Variants in MACROD2 observed in about 807,000 individuals in gnomAD.
The protein encoded by MACROD2 is ADP-ribose glycohydrolase MACROD2.
MACROD2 carries 36 observed loss-of-function variants against 70.4 expected under a neutral mutation model. The ratio of observed to expected loss-of-function variants is 0.51; its 90% confidence interval spans 0.39 to 0.68. MACROD2 has a LOEUF of 0.68. Ranked by LOEUF, MACROD2 falls within the 30% of genes least tolerant of loss-of-function variation. The probability of loss-of-function intolerance (pLI) is 0.00; values close to 1 mark genes in which losing one functional copy is unlikely to be tolerated. For synonymous variants in MACROD2, 172 were observed against 178.8 expected (o/e 0.96, Z 0.30); for missense variants, 496 against 538.4 (o/e 0.92, Z 0.78).
rs116398968 is a variant in MACROD2 at position 15,734,891 on chromosome 20, T to C, written c.646-127854T>C. On this transcript the variant is annotated intron_variant, in intron 8 of 17. Transcript: ENST00000684519. ...ACTCAGTTCTGGGAAAATATACCAA[T>C]AACTATCTTGAATTGTAACAACAGT... Among the ~76,000 whole-genome samples, 372 of 152,318 alleles carry C rather than the reference T, an allele frequency of 2.4e-3. 1 individual carries two copies. Among genetic ancestry groups the C allele is most frequent in the African/African-American group, 8.1e-3 (335 of 41,562 alleles).
chr20:14,782,606 A>G (rs990627417), intron 5 of MACROD2, among the ~76,000 whole-genome samples: 17 of 152,050 alleles, frequency 1.1e-4, no homozygotes, highest in African/African-American at 4.1e-4. Context: ...CAGATATGAA[A>G]AGGCCAGCCC....
chr20:14,092,172 G>C (rs1479061066), intron 3 of MACROD2, among the ~76,000 whole-genome samples: 4 of 152,026 alleles, frequency 2.6e-5, no homozygotes, highest in Admixed American at 2.0e-4. Flanking sequence ...CATGTTTTTT[G>C]ATATTTATTT....
chr20:14,550,676 A>G (rs1978593915), intron 4 of MACROD2, among the ~76,000 whole-genome samples: 1 of 152,238 alleles, frequency 6.6e-6, no homozygotes, highest in Non-Finnish European at 1.5e-5. Flanking sequence ...TTGGAAAGAA[A>G]CATAAGGGCT....
At chr20:15,729,867 C>T (rs373405667) in intron 8 of MACROD2, among the ~76,000 whole-genome samples, 1 of 80,414 alleles carries the variant, frequency 1.2e-5, no homozygotes, top group African/African-American at 4.8e-5. Context: ...TCACTCTTGT[C>T]GCCCAGGCTG....
intron 3 of MACROD2, among the ~76,000 whole-genome samples, chr20:14,391,928 A>G (rs1020910410): frequency 7.3e-5 from 11 of 151,084 alleles, no homozygotes; most frequent in African/African-American, 2.7e-4. Context: ...ATCATGCAAT[A>G]TACCCATGTA....
At chr20:15,569,619 A>G (rs928238206) in intron 8 of MACROD2, among the ~76,000 whole-genome samples, 1 of 152,176 alleles carries the variant, frequency 6.6e-6, no homozygotes, top group Non-Finnish European at 1.5e-5. Context: ...TTGGATCTGC[A>G]TATAAGAAGT....
intron 5 of MACROD2, among the ~76,000 whole-genome samples, chr20:15,115,290 C>G (rs952583947): frequency 6.6e-6 from 1 of 152,014 alleles, no homozygotes; most frequent in African/African-American, 2.4e-5. Context: ...AGTGCAGTGG[C>G]ACTATCTTGG....
intron 4 of MACROD2, among the ~76,000 whole-genome samples, chr20:14,615,056 G>T (rs1983397062): frequency 6.6e-6 from 1 of 152,080 alleles, no homozygotes; most frequent in African/African-American, 2.4e-5. Flanking sequence ...GACAGGGAAA[G>T]AAGTTAGGTT....
intron 6 of MACROD2, among the ~76,000 whole-genome samples, chr20:15,248,073 C>T (rs1359694347): frequency 6.6e-6 from 1 of 152,192 alleles, no homozygotes; most frequent in Non-Finnish European, 1.5e-5. Context: ...ACTTCAAGCA[C>T]CACCCTCTGG....
chr20:15,900,119 T>A (rs1384097441), intron 10 of MACROD2, among the ~76,000 whole-genome samples: 1 of 152,156 alleles, frequency 6.6e-6, no homozygotes, highest in Admixed American at 6.5e-5. Flanking sequence ...TCATGCATTA[T>A]ATTCATAAGC....
intron 6 of MACROD2, among the ~76,000 whole-genome samples, chr20:15,430,394 T>G (rs1461049532): frequency 6.6e-6 from 1 of 152,066 alleles, no homozygotes; most frequent in East Asian, 1.9e-4. Context: ...TTGTACTAAT[T>G]TACATTCCCA....
At chr20:14,128,048 T>C (rs2054674022) in intron 3 of MACROD2, 1 of 563,650 alleles carries the variant, frequency 1.8e-6, no homozygotes, top group Non-Finnish European at 3.5e-6. Context: ...TTTTACTTTG[T>C]AACCTGAAAC....
intron 6 of MACROD2, among the ~76,000 whole-genome samples, chr20:15,314,380 C>T (rs888515502): frequency 1.3e-5 from 2 of 152,130 alleles, no homozygotes; most frequent in East Asian, 3.8e-4. Context: ...TGCTTAAGGT[C>T]AGCAGTTTGA....
chr20:15,806,649 C>A (rs1411740772), intron 8 of MACROD2, among the ~76,000 whole-genome samples: 1 of 151,904 alleles, frequency 6.6e-6, no homozygotes, highest in African/African-American at 2.4e-5. Flanking sequence ...TCTTATCAGA[C>A]AATTACCAAT....
chr20:15,114,672 G>A (rs1278435582), intron 5 of MACROD2, among the ~76,000 whole-genome samples: 1 of 152,200 alleles, frequency 6.6e-6, no homozygotes, highest in African/African-American at 2.4e-5. Flanking sequence ...ATTTTTCTAA[G>A]TTTCTATATT....
At chr20:14,230,645 ATAT>A in intron 3 of MACROD2, among the ~76,000 whole-genome samples, 1 of 67,752 alleles carries the variant, frequency 1.5e-5, no homozygotes, top group South Asian at 6.6e-4. Flanking sequence ...ATATATATAT[ATAT>A]ATATATAACA....
chr20:14,973,260 C>T (rs2074708476), intron 5 of MACROD2, among the ~76,000 whole-genome samples: 1 of 121,676 alleles, frequency 8.2e-6, no homozygotes, highest in South Asian at 3.0e-4. Flanking sequence ...GAGGTAGAGT[C>T]TCACTCTGTC....
At chr20:16,043,454 T>C (rs962643518) in intron 16 of MACROD2, among the ~76,000 whole-genome samples, 82 of 152,072 alleles carry the variant, frequency 5.4e-4, no homozygotes, top group Admixed American at 4.6e-4. Flanking sequence ...TGTATACTGA[T>C]TTTCTCAGCT....
chr20:15,628,779 C>T (rs2049244979), intron 8 of MACROD2, among the ~76,000 whole-genome samples: 2 of 152,198 alleles, frequency 1.3e-5, no homozygotes, highest in Non-Finnish European at 2.9e-5. Context: ...GGAATGAAAA[C>T]CAGAGCCCTG....
Sources: gnomAD v4.1 joint callset for allele counts (sites outside exome capture counted in the v4.1 genomes callset) on GRCh38, gnomAD v4.1.1 for gene constraint, MANE v1.5 for transcripts, NCBI Gene and HGNC (gene_info 2026-07-23, HGNC 2026-07-21) for gene names.